The following MTMR3 variants were observed in gnomAD, a reference collection of about 807,000 sequenced individuals.
The protein encoded by MTMR3 is myotubularin related protein 3.
MTMR3 carries 32 observed loss-of-function variants against 132.4 expected under a neutral mutation model. The ratio of observed to expected loss-of-function variants is 0.24; its 90% CI spans 0.18 to 0.32. The LOEUF (loss-of-function observed/expected upper bound fraction) is 0.32. MTMR3 is among the 10% of genes least tolerant of loss of function. The probability of loss-of-function intolerance (pLI) is 1.00; values close to 1 mark genes in which losing one functional copy is unlikely to be tolerated. For missense variants in MTMR3, 1,216 were observed against 1,489.6 expected (o/e 0.82, Z 3.02); for synonymous variants, 556 against 550.3 (o/e 1.01, Z -0.14).
chr22:29,894,658 G>C (rs1447086605), intron 1 of MTMR3, among the ~76,000 whole-genome samples: 3 of 152,076 alleles, frequency 2.0e-5, no homozygotes, highest in Non-Finnish European at 4.4e-5. Flanking sequence ...TGACAGTATA[G>C]GCTTATTGGA....
chr22:29,956,219 G>T (rs1201412748), intron 1 of MTMR3, among the ~76,000 whole-genome samples: 1 of 152,056 alleles, frequency 6.6e-6, no homozygotes, highest in Non-Finnish European at 1.5e-5. Context: ...AGTTCAGATT[G>T]TTGCCTACTG....
Position 30,020,031 on chromosome 22 carries a change from T to G in MTMR3, c.2372T>G (p.Val791Gly). 1 of 1,614,030 alleles carries G rather than the reference T, an allele frequency of 6.2e-7. No individual in the cohort carries two copies. Among genetic ancestry groups the G allele is most frequent in the Non-Finnish European group, 8.5e-7 (1 of 1,180,002 alleles). ...VPPRGEDSLE[V>G]PVEQFRIEEI... Reference sequence around the variant, plus strand: ...CCCAGGGGAGAGGATTCCCTGGAGGTCCCTGTGGAGCAGTTTCGAATAGAA... The same window carrying G: ...CCCAGGGGAGAGGATTCCCTGGAGGGCCCTGTGGAGCAGTTTCGAATAGAA... The change falls in exon 17 of 20, where the codon GTC (valine) becomes GGC (glycine). Residue 791 changes from valine to glycine, a missense_variant. By Grantham distance (109) the Val-to-Gly change is moderately radical (BLOSUM62 -3). Coordinates refer to ENST00000401950, the MANE Select transcript of MTMR3 (RefSeq NM_021090.4).
intron 5 of MTMR3, chr22:29,982,816 T>C (rs774420791): frequency 6.6e-6 from 1 of 152,212 alleles, no homozygotes; most frequent in Non-Finnish European, 1.5e-5. Context: ...ATTTAAGGTA[T>C]ACATTGCTCC....
At chr22:29,901,795 T>A (rs1228220083) in intron 1 of MTMR3, among the ~76,000 whole-genome samples, 1 of 152,226 alleles carries the variant, frequency 6.6e-6, no homozygotes, top group Non-Finnish European at 1.5e-5. Context: ...CAAGGGATCC[T>A]CCTGCTTGAC....
At chr22:29,927,646 A>C (rs950423546) in intron 1 of MTMR3, among the ~76,000 whole-genome samples, 1 of 152,082 alleles carries the variant, frequency 6.6e-6, no homozygotes, top group African/African-American at 2.4e-5. Flanking sequence ...GAACTCAAAT[A>C]CTGATGGCCT....
chr22:29,971,629 T>G (rs2066538333), intron 3 of MTMR3, among the ~76,000 whole-genome samples: 1 of 152,190 alleles, frequency 6.6e-6, no homozygotes, highest in Non-Finnish European at 1.5e-5. Context: ...CTTCCCTGTT[T>G]TGTCTCTTTA....
chr22:29,884,629 C>A (rs1248583815), intron 1 of MTMR3, among the ~76,000 whole-genome samples: 1 of 134,864 alleles, frequency 7.4e-6, no homozygotes, highest in African/African-American at 2.8e-5. Flanking sequence ...GTAGTGCGAT[C>A]TCTGCTCACT....
intron 2 of MTMR3, among the ~76,000 whole-genome samples, chr22:29,969,016 G>T (rs2145868251): frequency 6.6e-6 from 1 of 152,174 alleles, no homozygotes; most frequent in South Asian, 2.1e-4. Context: ...CCTGCATTTG[G>T]CTTTAATGCC....
intron 1 of MTMR3, among the ~76,000 whole-genome samples, chr22:29,910,147 G>A (rs952666505): frequency 4.8e-5 from 7 of 146,382 alleles, no homozygotes; most frequent in Non-Finnish European, 7.5e-5. Context: ...CTGGGTGACA[G>A]AACGAGACTC....
intron 1 of MTMR3, among the ~76,000 whole-genome samples, chr22:29,938,674 A>G (rs1374171348): frequency 6.6e-6 from 1 of 152,186 alleles, no homozygotes; most frequent in Admixed American, 6.5e-5. Flanking sequence ...GGAACCATAT[A>G]GAGATAAATT....
At chr22:29,908,539 A>C (rs950746778) in intron 1 of MTMR3, among the ~76,000 whole-genome samples, 1 of 152,176 alleles carries the variant, frequency 6.6e-6, no homozygotes, top group African/African-American at 2.4e-5. Flanking sequence ...TCTAAATTGA[A>C]TTTCATGGCT....
At chr22:29,926,649 G>C (rs1274104433) in intron 1 of MTMR3, among the ~76,000 whole-genome samples, 1 of 152,104 alleles carries the variant, frequency 6.6e-6, no homozygotes, top group African/African-American at 2.4e-5. Context: ...ATGATGCTGG[G>C]CATCTTTTGT....
chr22:30,007,820 A>G lies in MTMR3; in HGVS notation c.878-81A>G, dbSNP rs112588788. On this transcript the variant is annotated intron_variant, in intron 10 of 19. Coordinates refer to ENST00000401950, the MANE Select transcript of MTMR3 (RefSeq NM_021090.4). ...TTTATTGAGCCTTTTTTGTGCCATA[A>G]GATGTGCTTGTGGGTCTAATTCTGC... The G allele has an allele frequency of 6.7e-3, 10,197 of 1,513,256 alleles. 46 individuals are homozygous for G. Among genetic ancestry groups the G allele is most frequent in the Non-Finnish European group, 8.0e-3 (8,961 of 1,115,648 alleles). 93.7% of individuals were successfully genotyped at this position (1,513,256 alleles called of 1,614,324 possible).
rs2067704483 is a variant in MTMR3, at chr22:30,019,989, G to C, written c.2330G>C (p.Ser777Thr). 1.2e-6 allele frequency: 2 copies of C among 1,613,942 alleles called. No individual in the cohort carries two copies. Among genetic ancestry groups the C allele is most frequent in the Non-Finnish European group, 1.7e-6 (2 of 1,180,040 alleles). The change falls in exon 17 of 20, where the codon AGT becomes ACT. Residue 777 changes from serine (S) to threonine (T), a missense_variant. This residue lies in a region of MTMR3 where 852 missense variants were observed against 852.0 expected (regional missense o/e 1.00). Coordinates refer to ENST00000401950, the MANE Select transcript of MTMR3 (RefSeq NM_021090.4). ...CAGAGTGGGCTCAGTGTTCTCCTCA[G>C]TTCTCTCCAGGTCCCCCCCAGGGGA... The part of the protein sequence containing the change: ...EQQSGLSVLL[S>T]SLQVPPRGED...
At chr22:29,942,300 A>G (rs899410677) in intron 1 of MTMR3, among the ~76,000 whole-genome samples, 2 of 152,166 alleles carry the variant, frequency 1.3e-5, no homozygotes, top group African/African-American at 2.4e-5. Context: ...GAGGGAGTGT[A>G]CGAATAGGGT....
At chr22:29,968,749 T>G (rs2145867872) in intron 2 of MTMR3, among the ~76,000 whole-genome samples, 1 of 152,320 alleles carries the variant, frequency 6.6e-6, no homozygotes, top group African/African-American at 2.4e-5. Context: ...TCTACAACAG[T>G]GCATGGAGTG....
intron 19 of MTMR3, chr22:30,023,102 C>A: frequency 2.5e-6 from 1 of 399,276 alleles, no homozygotes; most frequent in Non-Finnish European, 4.6e-6. Flanking sequence ...ACTTGTTTTC[C>A]CTTGTGCCAT....
At chr22:30,002,153 G>C (rs1422846487) in intron 8 of MTMR3, 1 of 152,188 alleles carries the variant, frequency 6.6e-6, no homozygotes, top group African/African-American at 2.4e-5. Context: ...CTGTAGCTGG[G>C]ATCTTCCCTA....
At chr22:29,909,219 A>G (rs1172212402) in intron 1 of MTMR3, among the ~76,000 whole-genome samples, 3 of 152,090 alleles carry the variant, frequency 2.0e-5, no homozygotes, top group Non-Finnish European at 2.9e-5. Context: ...CACAAGAAAT[A>G]TGTTACTTTT....
Sources: allele counts gnomAD v4.1 joint callset (sites outside exome capture counted in the v4.1 genomes callset), GRCh38; gene constraint gnomAD v4.1.1; regional missense constraint gnomAD v4.1.1; transcripts MANE v1.5; gene names NCBI Gene and HGNC (gene_info 2026-07-23, HGNC 2026-07-21).